Variants in ZBED1 observed in about 807,000 individuals in gnomAD.
ZBED1 encodes the protein zinc finger BED-type containing 1.
A neutral mutation model predicts 49.7 loss-of-function variants in ZBED1; 19 were observed. That is an observed-to-expected ratio of 0.38 (90% CI 0.27 to 0.56). ZBED1 has a LOEUF of 0.56. ZBED1 is among the 20% of genes least tolerant of loss of function. The pLI is 0.70. For synonymous variants in ZBED1, 439 were observed against 440.3 expected (o/e 1.00, Z 0.04); for missense variants, 806 against 972.6 (o/e 0.83, Z 2.28).
intron 1 of ZBED1, among the ~76,000 whole-genome samples, chrX:2,493,534 A>G (rs1569348688): frequency 6.6e-6 from 1 of 151,584 alleles, no homozygotes; most frequent in African/African-American, 2.4e-5. Flanking sequence ...TTTCAATTCC[A>G]TTATTATTAT....
rs138902933 is a variant in ZBED1, at chrX:2,495,348, T to C, written c.-53-4576A>G. Among the ~76,000 whole-genome samples the C allele has an allele frequency of 2.0e-3, 301 of 152,014 alleles. 4 individuals carry two copies. In the East Asian group the frequency reaches 0.037, roughly 19 times the overall value. On this transcript the variant is annotated intron_variant, in intron 1 of 1. Transcript: ENST00000652001. ...CCCCAGTACCATGAACAAAGGTTTA[T>C]ATTCTATTATTATTAATATTATTGT... is the stretch of plus-strand genomic sequence containing the variant.
intron 1 of ZBED1, among the ~76,000 whole-genome samples, chrX:2,493,083 G>A (rs1251248050): frequency 6.6e-6 from 1 of 152,218 alleles, no homozygotes; most frequent in Non-Finnish European, 1.5e-5. Flanking sequence ...CAAGACTGGG[G>A]TGCAAGGAGG....
intron 1 of ZBED1, among the ~76,000 whole-genome samples, chrX:2,491,413 A>T (rs2045142186): frequency 6.6e-6 from 1 of 152,150 alleles, no homozygotes; most frequent in Admixed American, 6.6e-5. Context: ...TTCCTGTCCT[A>T]AGAGTTTCCC....
At chrX:2,495,264 ATATTT>A (rs1397005259) in intron 1 of ZBED1, among the ~76,000 whole-genome samples, 10 of 151,486 alleles carry the variant, frequency 6.6e-5, no homozygotes, top group Non-Finnish European at 7.4e-5. Context: ...GCAAAGGTTT[ATATTT>A]TATCATTATT....
chrX:2,488,462 A>ACCG lies in ZBED1; in HGVS notation c.*170_*172dup. The ACCG allele has an allele frequency of 2.3e-6, 2 of 871,214 alleles. No individual in the cohort carries two copies. The highest frequency in any genetic ancestry group is 3.4e-6 in the Non-Finnish European group (2 of 595,354). 54.0% of individuals were successfully genotyped at this position (871,214 alleles called of 1,614,324 possible). On this transcript the variant is annotated 3_prime_UTR_variant, in exon 2 of 2. Coordinates refer to ENST00000652001, the MANE Select transcript of ZBED1 (RefSeq NM_001171136.2). ...AGTGCTGCGATTATAGACAGGAGCC[A>ACCG]CCGCCCCCGACCCTCTCTCACTTCT...
Position 2,489,439 on chromosome X carries a change from G to T in ZBED1, c.1281C>A (p.His427Gln), listed in dbSNP as rs763995348. ...TGTTGAGCGTGGTGTTCAGGAGCAT[G>T]TGCAGCAGCGGCTTCACCATGCTGA... ...PTISMVKPLL[H>Q]MLLNTTLNIK... Residue 427 changes from histidine to glutamine, a missense_variant, in exon 2 of 2, where the codon CAC (histidine) becomes CAA (glutamine). His to Gln is a conservative substitution (Grantham distance 24). Around this residue, in one of 2 missense-constraint regions of ZBED1, gnomAD observed 749 missense variants for 861.3 expected, o/e 0.87. Transcript: ENST00000652001. 1.2e-6 allele frequency: 2 copies of T among 1,613,918 alleles called. No homozygotes were observed. The highest frequency in any genetic ancestry group is 4.5e-5 in the East Asian group (2 of 44,866).
In ZBED1 at chrX:2,486,471, T is replaced by C. The variant is rs1355904042; in HGVS notation, c.*2164A>G. 6.6e-6 allele frequency: 1 copy of C among 152,170 alleles called. No homozygotes were observed. Among genetic ancestry groups the C allele is most frequent in the Non-Finnish European group, 1.5e-5 (1 of 68,026 alleles). The allele number at this position is 152,170 out of a possible 1,614,324, so 9.4% of individuals were successfully genotyped here. A position where few individuals can be genotyped will look rare whatever the true frequency, so the allele number is the denominator to read the frequency against. ...GGTTTATTGAACAACAGTCCAACTT[T>C]ACAGCATTAAATAAGGGGCAACCGT... On this transcript the variant is annotated 3_prime_UTR_variant, in exon 2 of 2. Coordinates refer to ENST00000652001, the MANE Select transcript of ZBED1 (RefSeq NM_001171136.2).
intron 1 of ZBED1, among the ~76,000 whole-genome samples, chrX:2,499,208 C>T (rs1430533553): frequency 1.3e-5 from 2 of 152,074 alleles, no homozygotes; most frequent in African/African-American, 4.8e-5. Flanking sequence ...GACTCCCAGT[C>T]TCCCAGAGGC....
rs769867685 is a variant in ZBED1, at chrX:2,486,620, A to G, written c.*2015T>C. On this transcript the variant is annotated 3_prime_UTR_variant, in exon 2 of 2. Coordinates refer to ENST00000652001, the MANE Select transcript of ZBED1 (RefSeq NM_001171136.2). Reference sequence around the variant, plus strand: ...GTGAAGAGAACGCTGGCAATGCTACAGAATGGAGCCCACGGAGGCGTGGGC... The same window carrying G: ...GTGAAGAGAACGCTGGCAATGCTACGGAATGGAGCCCACGGAGGCGTGGGC... 87 of 152,366 alleles carry G rather than the reference A, an allele frequency of 5.7e-4. No individual in the cohort carries two copies. The highest frequency in any genetic ancestry group is 2.1e-3 in the African/African-American group (86 of 41,592). 9.4% of individuals were successfully genotyped at this position (152,366 alleles called of 1,614,324 possible). A position where few individuals can be genotyped will look rare whatever the true frequency, so the allele number is the denominator to read the frequency against.
In ZBED1 at chrX:2,488,466, C is replaced by A. The variant is rs2045009566; in HGVS notation, c.*169G>T. 1.1e-6 allele frequency: 1 copy of A among 924,030 alleles called. No individual in the cohort carries two copies. The highest frequency in any genetic ancestry group is 1.7e-5 in the African/African-American group (1 of 59,316). The allele number at this position is 924,030 out of a possible 1,614,324, so 57.2% of individuals were successfully genotyped here. A position where few individuals can be genotyped will look rare whatever the true frequency, so the allele number is the denominator to read the frequency against. On this transcript the variant is annotated 3_prime_UTR_variant, in exon 2 of 2. Coordinates refer to ENST00000652001, the MANE Select transcript of ZBED1 (RefSeq NM_001171136.2). ...CTGCGATTATAGACAGGAGCCACCG[C>A]CCCCGACCCTCTCTCACTTCTCAAA...
At chrX:2,496,097 T>C (rs757084566) in intron 1 of ZBED1, among the ~76,000 whole-genome samples, 25 of 152,376 alleles carry the variant, frequency 1.6e-4, no homozygotes, top group African/African-American at 6.0e-4. Context: ...ACAGGAGGAA[T>C]CCGTTTCAGT....
chrX:2,491,028 C>T (rs2045124824), intron 1 of ZBED1, among the ~76,000 whole-genome samples: 2 of 150,534 alleles, frequency 1.3e-5, no homozygotes, highest in African/African-American at 2.4e-5. Flanking sequence ...CGAGTGAGCA[C>T]GGCATTTTTG....
At chrX:2,491,902 T>A (rs1043902501) in intron 1 of ZBED1, among the ~76,000 whole-genome samples, 8 of 152,294 alleles carry the variant, frequency 5.3e-5, no homozygotes, top group African/African-American at 1.7e-4. Context: ...TGCTCACACA[T>A]ACAGGCCCTT....
intron 1 of ZBED1, 140 bp from the exon 2 acceptor site, chrX:2,490,912 C>T (rs1222469788): frequency 5.2e-5 from 37 of 709,046 alleles, no homozygotes; most frequent in East Asian, 2.1e-4. Flanking sequence ...ACCTTCCTTG[C>T]GGGTCACTTT....
Position 2,500,949 on chromosome X carries a change from C to T in ZBED1, c.-186G>A, listed in dbSNP as rs1273240077. On this transcript the variant is annotated 5_prime_UTR_variant, in exon 1 of 2. Transcript: ENST00000652001. ...ATGGCTGCCCCGGCCGCGCCGCCGC[C>T]GCTTCCGCGCCGCCCGCGGGACTCT... 1.1e-5 allele frequency: 11 copies of T among 1,027,026 alleles called. No homozygotes were observed. Among genetic ancestry groups the T allele is most frequent in the Admixed American group, 5.7e-5 (1 of 17,610 alleles). 63.6% of individuals were successfully genotyped at this position (1,027,026 alleles called of 1,614,324 possible).
In ZBED1 at chrX:2,490,761, C is replaced by G; in HGVS notation, c.-42G>C. The G allele has an allele frequency of 6.3e-7, 1 of 1,586,092 alleles. No individual in the cohort carries two copies. Among genetic ancestry groups the G allele is most frequent in the Non-Finnish European group, 8.6e-7 (1 of 1,165,846 alleles). On this transcript the variant is annotated 5_prime_UTR_variant, in exon 2 of 2. Transcript: ENST00000652001. ...CCTGCCTGCTGGACGGCTGCTCATGCGTGGGGACCTGCTGAGAAGGGCCAA... is the reference window on the plus strand; with the variant it reads ...CCTGCCTGCTGGACGGCTGCTCATGGGTGGGGACCTGCTGAGAAGGGCCAA...
intron 1 of ZBED1, among the ~76,000 whole-genome samples, chrX:2,497,609 G>A (rs190836497): frequency 3.9e-5 from 6 of 152,172 alleles, no homozygotes; most frequent in South Asian, 2.1e-4. Context: ...CAGCATTTAC[G>A]AATCCATTTT....
intron 1 of ZBED1, among the ~76,000 whole-genome samples, chrX:2,498,712 C>T (rs2045342107): frequency 1.3e-5 from 2 of 151,882 alleles, no homozygotes; most frequent in South Asian, 4.1e-4. Context: ...TGAGCTGCTG[C>T]AGGAACCCCG....
chrX:2,489,118 C>G lies in ZBED1; in HGVS notation c.1602G>C (p.Arg534=), dbSNP rs1447484763. ...PEEPPVKKLM[R]TSTPPPASVI... Reference sequence around the variant, plus strand: ...CGCTGGCGGGCGGCGGCGTGGATGTCCGCATGAGCTTCTTGACGGGAGGCT... The same window carrying G: ...CGCTGGCGGGCGGCGGCGTGGATGTGCGCATGAGCTTCTTGACGGGAGGCT... The change falls in exon 2 of 2, where the codon CGG becomes CGC. Residue 534 remains arginine (R), a synonymous_variant. Transcript: ENST00000652001. 6.2e-7 allele frequency: 1 copy of G among 1,613,622 alleles called. No homozygotes were observed. Among genetic ancestry groups the G allele is most frequent in the Admixed American group, 1.7e-5 (1 of 60,008 alleles).
Sources: allele counts gnomAD v4.1 joint callset (sites outside exome capture counted in the v4.1 genomes callset), GRCh38; gene constraint gnomAD v4.1.1; regional missense constraint gnomAD v4.1.1; transcripts MANE v1.5; gene names NCBI Gene and HGNC (gene_info 2026-07-23, HGNC 2026-07-21).